The following CAMKMT variants were observed in gnomAD, a reference collection of about 807,000 sequenced individuals.
The protein encoded by CAMKMT is calmodulin-lysine N-methyltransferase, also known as CaM KMT.
A neutral mutation model predicts 48.0 loss-of-function variants in CAMKMT; 53 were observed. The observed-to-expected ratio is 1.10, with a 90% confidence interval of 0.89 to 1.39. The LOEUF (loss-of-function observed/expected upper bound fraction) is 1.39. Ranked by LOEUF, CAMKMT falls within the 40% of genes most tolerant of loss-of-function variation. CAMKMT has a pLI of 0.00. For synonymous variants in CAMKMT, 165 were observed against 152.3 expected, an observed-to-expected ratio of 1.08 and a Z score of -0.61; for missense variants, 428 against 402.7, an observed-to-expected ratio of 1.06 and a Z score of -0.54.
chr2:44,470,191 G>T (rs1668340948), intron 3 of CAMKMT, among the ~76,000 whole-genome samples: 1 of 151,992 alleles, frequency 6.6e-6, no homozygotes. Context: ...AGCTTTTGTA[G>T]CTTTCCAGTT....
chr2:44,471,741 C>G (rs1175606083), intron 3 of CAMKMT, among the ~76,000 whole-genome samples: 1 of 152,120 alleles, frequency 6.6e-6, no homozygotes, highest in African/African-American at 2.4e-5. Context: ...GAGTCTCACT[C>G]TGTTGCCCAG....
intron 3 of CAMKMT, among the ~76,000 whole-genome samples, chr2:44,592,446 AT>A (rs1558728876): frequency 6.6e-6 from 1 of 151,888 alleles, no homozygotes; most frequent in African/African-American, 2.4e-5. Context: ...TATTTCTTAC[AT>A]TGGTCATTTT....
At chr2:44,486,365 G>A (rs532170986) in intron 3 of CAMKMT, among the ~76,000 whole-genome samples, 2 of 152,322 alleles carry the variant, frequency 1.3e-5, no homozygotes, top group African/African-American at 4.8e-5. Context: ...TAATAAAAAA[G>A]AGAGGTAACA....
chr2:44,485,418 A>G (rs1247455489), intron 3 of CAMKMT, among the ~76,000 whole-genome samples: 2 of 152,218 alleles, frequency 1.3e-5, no homozygotes, highest in Non-Finnish European at 2.9e-5. Context: ...TCACAAACAT[A>G]ATGTTGAGCA....
chr2:44,490,398 C>T (rs186198609), intron 3 of CAMKMT, among the ~76,000 whole-genome samples: 1 of 152,166 alleles, frequency 6.6e-6, no homozygotes, highest in Non-Finnish European at 1.5e-5. Flanking sequence ...GCCTCAGCCT[C>T]CTGAGTAGCT....
chr2:44,389,102 G>T (rs1318618506), intron 2 of CAMKMT, among the ~76,000 whole-genome samples: 1 of 152,130 alleles, frequency 6.6e-6, no homozygotes, highest in Non-Finnish European at 1.5e-5. Context: ...TCAGCTACCA[G>T]GCTGGGTAGG....
At chr2:44,596,249 G>A (rs1670651410) in intron 3 of CAMKMT, among the ~76,000 whole-genome samples, 2 of 151,962 alleles carry the variant, frequency 1.3e-5, no homozygotes, top group South Asian at 4.2e-4. Context: ...AGGAGTTCGA[G>A]ACCAGCCTGG....
intron 3 of CAMKMT, among the ~76,000 whole-genome samples, chr2:44,486,361 AAAAG>A (rs1323335195): frequency 6.6e-6 from 1 of 152,212 alleles, no homozygotes; most frequent in African/African-American, 2.4e-5. Flanking sequence ...AGTTTAATAA[AAAAG>A]AGAGGTAACA....
intron 8 of CAMKMT, among the ~76,000 whole-genome samples, chr2:44,751,235 C>T (rs1363055019): frequency 1.3e-5 from 2 of 152,166 alleles, no homozygotes; most frequent in African/African-American, 2.4e-5. Flanking sequence ...ATCTGATGAC[C>T]TCCGTCTTTT....
chr2:44,710,937 C>A (rs186825551), intron 6 of CAMKMT, among the ~76,000 whole-genome samples: 13 of 152,290 alleles, frequency 8.5e-5, no homozygotes, highest in African/African-American at 2.9e-4. Context: ...AGCATCTTAT[C>A]CCCAAAGTAT....
At chr2:44,401,746 G>C (rs948910471) in intron 3 of CAMKMT, among the ~76,000 whole-genome samples, 2 of 152,068 alleles carry the variant, frequency 1.3e-5, no homozygotes, top group Non-Finnish European at 2.9e-5. Context: ...TATATTTTCA[G>C]TTAAAATTAT....
chr2:44,711,636 G>A (rs764088296), intron 6 of CAMKMT, among the ~76,000 whole-genome samples: 2 of 152,096 alleles, frequency 1.3e-5, no homozygotes, highest in Non-Finnish European at 2.9e-5. Context: ...ATTCTAAGCA[G>A]CAGGAAAAGA....
chr2:44,520,015 TC>T (rs1352733851), intron 3 of CAMKMT, among the ~76,000 whole-genome samples: 1 of 148,946 alleles, frequency 6.7e-6, no homozygotes. Context: ...ATCGAAACCA[TC>T]CTGGCTAACA....
At chr2:44,561,534 T>C (rs1167573640) in intron 3 of CAMKMT, among the ~76,000 whole-genome samples, 4 of 152,230 alleles carry the variant, frequency 2.6e-5, no homozygotes, top group Non-Finnish European at 4.4e-5. Flanking sequence ...CATTTCCCAA[T>C]ATAATTCTTC....
chr2:44,683,225 AT>A (rs996807751), intron 3 of CAMKMT, among the ~76,000 whole-genome samples: 5 of 151,896 alleles, frequency 3.3e-5, no homozygotes, highest in Non-Finnish European at 5.9e-5. Flanking sequence ...CAAAAAAAAA[AT>A]GATTTAATTG....
intron 3 of CAMKMT, among the ~76,000 whole-genome samples, chr2:44,651,029 G>A (rs909192998): frequency 1.3e-5 from 2 of 152,324 alleles, no homozygotes; most frequent in African/African-American, 2.4e-5. Context: ...TTCAGTAATA[G>A]TTTAAAAGTG....
At chr2:44,485,038 A>G (rs952045729) in intron 3 of CAMKMT, among the ~76,000 whole-genome samples, 6 of 152,200 alleles carry the variant, frequency 3.9e-5, no homozygotes, top group African/African-American at 1.2e-4. Flanking sequence ...TTTCCAACAG[A>G]ATGGTGAAAA....
intron 3 of CAMKMT, among the ~76,000 whole-genome samples, chr2:44,655,683 C>T (rs1674340175): frequency 6.6e-6 from 1 of 152,114 alleles, no homozygotes; most frequent in Non-Finnish European, 1.5e-5. Context: ...GAGTCTTCTC[C>T]AGTTTTGCAC....
chr2:44,767,068 G>A (rs1680873397), intron 10 of CAMKMT, among the ~76,000 whole-genome samples: 1 of 152,168 alleles, frequency 6.6e-6, no homozygotes. Flanking sequence ...GTCAGATGGA[G>A]GCACTACAAG....
Sources: gnomAD v4.1 joint callset for allele counts (sites outside exome capture counted in the v4.1 genomes callset) on GRCh38, gnomAD v4.1.1 for gene constraint, MANE v1.5 for transcripts, NCBI Gene and HGNC (gene_info 2026-07-23, HGNC 2026-07-21) for gene names.